The following SRCIN1 variants were observed in gnomAD, a reference collection of about 807,000 sequenced individuals.
SRCIN1 encodes the protein SRC kinase signaling inhibitor 1, also known as P130Cas-associated protein.
A neutral mutation model predicts 116.2 loss-of-function variants in SRCIN1; 50 were observed. The ratio of observed to expected loss-of-function variants is 0.43; its 90% CI spans 0.34 to 0.54. The LOEUF is 0.54. Among genes scored for constraint, SRCIN1 ranks in the 20% least tolerant of loss-of-function variants. SRCIN1 has a pLI of 0.02. For synonymous variants in SRCIN1, 736 were observed against 750.0 expected, an observed-to-expected ratio of 0.98 and a Z score of 0.30; for missense variants, 1,446 against 1,672.0, an observed-to-expected ratio of 0.86 and a Z score of 2.36.
intron 1 of SRCIN1, among the ~76,000 whole-genome samples, chr17:38,588,962 C>T (rs979061633): frequency 1.3e-4 from 20 of 152,338 alleles, no homozygotes; most frequent in African/African-American, 4.3e-4. Flanking sequence ...ACAGCTCCCT[C>T]GGCCGCTAGA....
chr17:38,546,054 G>A (rs1905054910), intron 17 of SRCIN1, among the ~76,000 whole-genome samples: 1 of 152,170 alleles, frequency 6.6e-6, no homozygotes, highest in Admixed American at 6.5e-5. Context: ...ACACACTCGG[G>A]CAAAGCTCCC....
rs927292279 is a variant in SRCIN1 at position 38,563,693 on chromosome 17, C to A, written c.542-172G>T. 6 of 950,836 alleles carry A rather than the reference C, an allele frequency of 6.3e-6. No homozygotes were observed. Among genetic ancestry groups the A allele is most frequent in the Non-Finnish European group, 6.5e-6 (4 of 616,102 alleles). The allele number at this position is 950,836 out of a possible 1,614,324, so 58.9% of individuals were successfully genotyped here. A position where few individuals can be genotyped will look rare whatever the true frequency, so the allele number is the denominator to read the frequency against. ...GCACCTCTCATGCTGCCGGCGGGGG[C>A]GCCAGGCCGGCTCTCCAGCCTCTCA... is the stretch of plus-strand genomic sequence containing the variant. On this transcript the variant is annotated intron_variant, in intron 4 of 18. Transcript: ENST00000617146. The surrounding 1 kb of genome is among the most constrained non-coding windows in gnomAD (Gnocchi z 5.8).
In SRCIN1 at chr17:38,580,357, C is replaced by G. The variant is rs143294087; in HGVS notation, c.23-1566G>C. Among the ~76,000 whole-genome samples the G allele has an allele frequency of 1.2e-4, 18 of 152,270 alleles. No individual in the cohort carries two copies. The East Asian group carries it at 3.5e-3, about 29-fold the overall frequency. ...GGTTGTGTCCATTAGGGGCACAGAG[C>G]CTGCGAGGACCCAGCACCTCCCACC... is the stretch of plus-strand genomic sequence containing the variant. On this transcript the variant is annotated intron_variant, in intron 1 of 18. Transcript: ENST00000617146.
intron 2 of SRCIN1, among the ~76,000 whole-genome samples, chr17:38,576,330 C>T (rs980174911): frequency 3.3e-5 from 5 of 152,128 alleles, no homozygotes; most frequent in African/African-American, 4.8e-5. Context: ...CGGCCAGTCG[C>T]GATGTCTGTT....
intron 18 of SRCIN1, among the ~76,000 whole-genome samples, chr17:38,533,729 G>A (rs961618144): frequency 7.2e-6 from 1 of 138,066 alleles, no homozygotes; most frequent in African/African-American, 2.7e-5. Context: ...AGAAGAGGCC[G>A]CGCCCAGGAT....
At chr17:38,553,137 T>C (rs911255539) in intron 11 of SRCIN1, among the ~76,000 whole-genome samples, 1 of 152,078 alleles carries the variant, frequency 6.6e-6, no homozygotes, top group Non-Finnish European at 1.5e-5. Flanking sequence ...GTGCCTGTAG[T>C]CCCAGCTACT....
chr17:38,562,766 C>G lies in SRCIN1; in HGVS notation c.834+61G>C. On this transcript the variant is annotated intron_variant, in intron 6 of 18. Transcript: ENST00000617146. This position sits in a 1 kb window ranked among gnomAD's most constrained non-coding sequence, Gnocchi z 4.2. ...GGTTCCAGATGACAACTGCCCAGAC[C>G]CTGCTCCCCTGGACCCCATGTGCCC... is the stretch of plus-strand genomic sequence containing the variant. 2 of 1,465,622 alleles carry G rather than the reference C, an allele frequency of 1.4e-6. No homozygotes were observed. Among genetic ancestry groups the G allele is most frequent in the Non-Finnish European group, 1.9e-6 (2 of 1,059,350 alleles). 90.8% of individuals were successfully genotyped at this position (1,465,622 alleles called of 1,614,324 possible).
intron 1 of SRCIN1, among the ~76,000 whole-genome samples, chr17:38,582,255 G>T (rs181155695): frequency 2.4e-3 from 372 of 152,238 alleles, no homozygotes; most frequent in African/African-American, 8.3e-3. Context: ...CCTACCTCCT[G>T]GGGGATCTCA....
chr17:38,535,131 T>G (rs1204076646), intron 18 of SRCIN1, among the ~76,000 whole-genome samples: 1 of 150,738 alleles, frequency 6.6e-6, no homozygotes, highest in East Asian at 1.9e-4. Flanking sequence ...GGCCCTGTTT[T>G]TTTGTTTGTT....
intron 17 of SRCIN1, among the ~76,000 whole-genome samples, 161 bp downstream of exon 17, chr17:38,548,396 G>T (rs180837003): frequency 2.7e-3 from 415 of 152,332 alleles, no homozygotes; most frequent in African/African-American, 9.7e-3. Context: ...TTTCACAGTG[G>T]AGAAGAAATG....
At chr17:38,557,895 G>A (rs898583059) in intron 11 of SRCIN1, among the ~76,000 whole-genome samples, 5 of 152,234 alleles carry the variant, frequency 3.3e-5, no homozygotes, top group Non-Finnish European at 7.3e-5. Context: ...AGGCCAAAAT[G>A]AAAGTAGGCA....
At chr17:38,581,252 A>G (rs942122149) in intron 1 of SRCIN1, among the ~76,000 whole-genome samples, 1 of 152,082 alleles carries the variant, frequency 6.6e-6, no homozygotes, top group Non-Finnish European at 1.5e-5. Context: ...TAAAAATACA[A>G]AAAATTAGCC....
intron 18 of SRCIN1, among the ~76,000 whole-genome samples, 183 bp from the exon 19 acceptor site, chr17:38,533,614 A>G (rs2040956575): frequency 2.2e-5 from 1 of 44,598 alleles, no homozygotes; most frequent in Admixed American, 3.1e-4. Flanking sequence ...GGGGGCAGAA[A>G]AGGGGGGGGA....
intron 1 of SRCIN1, among the ~76,000 whole-genome samples, chr17:38,598,212 C>G (rs1171011087): frequency 6.6e-6 from 1 of 152,108 alleles, no homozygotes; most frequent in Non-Finnish European, 1.5e-5. Context: ...GGGGACTCAT[C>G]AGGCCAGCCT....
rs1325602739 is a variant in SRCIN1 at position 38,604,536 on chromosome 17, C to T, written c.22+1148G>A. The T allele has an allele frequency of 4.4e-6, 2 of 454,926 alleles. No individual in the cohort carries two copies. Among genetic ancestry groups the T allele is most frequent in the East Asian group, 1.4e-4 (2 of 14,216 alleles). 28.2% of individuals were successfully genotyped at this position (454,926 alleles called of 1,614,324 possible). A position where few individuals can be genotyped will look rare whatever the true frequency, so the allele number is the denominator to read the frequency against. On this transcript the variant is annotated intron_variant, in intron 1 of 18. Transcript: ENST00000617146. This position sits in a 1 kb window ranked among gnomAD's most constrained non-coding sequence, Gnocchi z 4.3. The stretch of plus-strand genomic sequence containing the variant: ...CCAGCCTCCTCCCTGGGAGAGCGGG[C>T]TCTGCCCTCCGCCGTCCTCTCCCAC...
intron 2 of SRCIN1, among the ~76,000 whole-genome samples, 166 bp downstream of exon 2, chr17:38,578,324 C>T (rs1303954322): frequency 1.3e-5 from 2 of 152,206 alleles, no homozygotes; most frequent in African/African-American, 4.8e-5. Context: ...CAACCAGAGC[C>T]ACTGCCCTGG....
chr17:38,566,355 C>T (rs1906680955), intron 3 of SRCIN1, among the ~76,000 whole-genome samples: 1 of 152,210 alleles, frequency 6.6e-6, no homozygotes, highest in African/African-American at 2.4e-5. Context: ...GTACAGAAAA[C>T]CCTCTCGAGA....
intron 11 of SRCIN1, among the ~76,000 whole-genome samples, chr17:38,555,599 A>G (rs1905732550): frequency 6.6e-6 from 1 of 152,248 alleles, no homozygotes; most frequent in South Asian, 2.1e-4. Context: ...GGAAAAAAAG[A>G]TATTCAGATA....
At chr17:38,565,705 G>C (rs1448043354) in intron 3 of SRCIN1, among the ~76,000 whole-genome samples, 1 of 152,226 alleles carries the variant, frequency 6.6e-6, no homozygotes, top group Non-Finnish European at 1.5e-5. Context: ...CTTAAAGGGA[G>C]AGCATCTTCT....
Sources: allele counts gnomAD v4.1 joint callset (sites outside exome capture counted in the v4.1 genomes callset), GRCh38; gene constraint gnomAD v4.1.1; non-coding constraint Gnocchi (gnomAD v3.1); transcripts MANE v1.5; gene names NCBI Gene and HGNC (gene_info 2026-07-23, HGNC 2026-07-21).